The following HPSE2 variants were observed in gnomAD, a reference collection of about 807,000 sequenced individuals.
HPSE2 encodes inactive heparanase-2.
HPSE2 carries 38 observed loss-of-function variants against 60.5 expected under a neutral mutation model. The ratio of observed to expected loss-of-function variants is 0.63; its 90% CI spans 0.48 to 0.82. HPSE2 has a LOEUF of 0.82. Ranked by LOEUF, HPSE2 falls within the 40% of genes least tolerant of loss-of-function variation. HPSE2 has a pLI of 0.00. For synonymous variants in HPSE2, 295 were observed against 293.2 expected (o/e 1.01, Z -0.06); for missense variants, 713 against 740.4 (o/e 0.96, Z 0.43).
At chr10:98,512,533 C>T (rs1369031828) in intron 9 of HPSE2, among the ~76,000 whole-genome samples, 3 of 150,034 alleles carry the variant, frequency 2.0e-5, no homozygotes, top group Non-Finnish European at 4.4e-5. Context: ...TGCAGTGAGC[C>T]AAGATCGCAC....
At chr10:98,479,007 C>A (rs1301641535) in intron 11 of HPSE2, among the ~76,000 whole-genome samples, 1 of 152,130 alleles carries the variant, frequency 6.6e-6, no homozygotes, top group Admixed American at 6.6e-5. Context: ...TAAATAGTGA[C>A]CCCAAGGGTG....
chr10:98,951,698 C>T (rs1311457584), intron 3 of HPSE2, among the ~76,000 whole-genome samples: 3 of 152,084 alleles, frequency 2.0e-5, no homozygotes, highest in Non-Finnish European at 4.4e-5. Flanking sequence ...CATAGGAATC[C>T]TGCATGCCAT....
intron 2 of HPSE2, among the ~76,000 whole-genome samples, chr10:99,229,716 G>A (rs1849585055): frequency 1.3e-5 from 2 of 152,144 alleles, no homozygotes; most frequent in Admixed American, 1.3e-4. Context: ...TTCATAATGT[G>A]CCAGTAGGTA....
chr10:98,867,457 T>C (rs113645917), intron 3 of HPSE2, among the ~76,000 whole-genome samples: 53 of 152,140 alleles, frequency 3.5e-4, no homozygotes, highest in African/African-American at 1.2e-3. Flanking sequence ...TATCATCTCA[T>C]TCCAGTCAAA....
In HPSE2 at chr10:98,668,816, G is replaced by A. The variant is rs1170920943; in HGVS notation, c.1004+25084C>T. Among the ~76,000 whole-genome samples the A allele has an allele frequency of 2.0e-5, 3 of 152,098 alleles. No homozygotes were observed. In the South Asian group the frequency reaches 6.2e-4, roughly 31 times the overall value. ...TATAAAAGTCCTAAAGAAAATGTAG[G>A]AAATACCCTTCTCCATATGGTTTTG... is the stretch of plus-strand genomic sequence containing the variant. On this transcript the variant is annotated intron_variant, in intron 6 of 11. Coordinates refer to ENST00000370552, the MANE Select transcript of HPSE2 (RefSeq NM_021828.5).
At chr10:98,729,469 C>T (rs184955135) in intron 4 of HPSE2, among the ~76,000 whole-genome samples, 7 of 151,860 alleles carry the variant, frequency 4.6e-5, no homozygotes, top group Non-Finnish European at 8.8e-5. Context: ...ATTAGCCGGG[C>T]GTGGTGGCGG....
the HPSE2 span, among the ~76,000 whole-genome samples, chr10:99,275,128 C>T: frequency 1.5e-4 from 23 of 152,134 alleles, no homozygotes; most frequent in Admixed American, 2.0e-4. Context: ...ACAGTTCCCC[C>T]CAAATCCAGT....
intron 3 of HPSE2, among the ~76,000 whole-genome samples, chr10:98,861,013 T>G (rs1952446574): frequency 6.6e-6 from 1 of 152,210 alleles, no homozygotes; most frequent in African/African-American, 2.4e-5. Context: ...ATGCATCTAC[T>G]GCAAATAACT....
chr10:98,766,993 T>C (rs548357419), intron 3 of HPSE2, among the ~76,000 whole-genome samples: 9 of 152,280 alleles, frequency 5.9e-5, no homozygotes, highest in Non-Finnish European at 1.3e-4. Context: ...ATTAACAGAC[T>C]ACATAAGAAA....
At chr10:98,554,530 G>A (rs1054740330) in intron 9 of HPSE2, among the ~76,000 whole-genome samples, 3 of 151,926 alleles carry the variant, frequency 2.0e-5, no homozygotes, top group African/African-American at 7.3e-5. Context: ...CTTTGTGGTC[G>A]GAGACTCCAT....
intron 3 of HPSE2, among the ~76,000 whole-genome samples, chr10:98,800,819 C>T (rs1950888355): frequency 6.6e-6 from 1 of 152,154 alleles, no homozygotes; most frequent in East Asian, 1.9e-4. Flanking sequence ...AATACCAATC[C>T]TACTCAAACT....
At chr10:99,154,396 T>C (rs10786512) in intron 2 of HPSE2, among the ~76,000 whole-genome samples, 27,052 of 43,518 alleles carry the variant, frequency 0.62, 9,397 homozygotes, top group South Asian at 0.92. Context: ...AGACTAACAG[T>C]GGATCTCTCG....
intron 6 of HPSE2, among the ~76,000 whole-genome samples, chr10:98,676,818 T>C (rs1947655478): frequency 6.6e-6 from 1 of 152,196 alleles, no homozygotes; most frequent in Non-Finnish European, 1.5e-5. Context: ...TTGGATTTTA[T>C]TGTGCGTGCA....
At chr10:98,644,673 T>C (rs1012689888) in intron 6 of HPSE2, among the ~76,000 whole-genome samples, 1 of 152,232 alleles carries the variant, frequency 6.6e-6, no homozygotes, top group Non-Finnish European at 1.5e-5. Flanking sequence ...ACAGCTCTAA[T>C]TGACGAAAAG....
At chr10:98,511,130 G>GTTTTTTTTTTTT (rs11393115) in intron 9 of HPSE2, among the ~76,000 whole-genome samples, 1 of 139,032 alleles carries the variant, frequency 7.2e-6, no homozygotes. Context: ...ATGTGTTGCT[G>GTTTTTTTTTTTT]TTTTTTTTTT....
At chr10:98,844,714 T>C (rs1315185996) in intron 3 of HPSE2, among the ~76,000 whole-genome samples, 1 of 152,212 alleles carries the variant, frequency 6.6e-6, no homozygotes, top group Admixed American at 6.5e-5. Flanking sequence ...ACATATTAAA[T>C]ATAAACTATG....
chr10:98,701,684 C>T (rs968575841), intron 5 of HPSE2, among the ~76,000 whole-genome samples: 4 of 151,600 alleles, frequency 2.6e-5, no homozygotes, highest in Non-Finnish European at 5.9e-5. Context: ...GTTTTAAACC[C>T]AGAATTTCAA....
intron 3 of HPSE2, among the ~76,000 whole-genome samples, chr10:98,828,798 T>C (rs1477471015): frequency 6.6e-6 from 1 of 152,164 alleles, no homozygotes; most frequent in Non-Finnish European, 1.5e-5. Flanking sequence ...TGTATAGTAG[T>C]CCTTCAAAAA....
intron 3 of HPSE2, among the ~76,000 whole-genome samples, chr10:98,962,999 T>C (rs1338312671): frequency 6.6e-6 from 1 of 152,204 alleles, no homozygotes; most frequent in Non-Finnish European, 1.5e-5. Context: ...GCACATTCTC[T>C]GTGAATGTTT....
Sources: allele counts gnomAD v4.1 joint callset (sites outside exome capture counted in the v4.1 genomes callset), GRCh38; gene constraint gnomAD v4.1.1; transcripts MANE v1.5; gene names NCBI Gene and HGNC (gene_info 2026-07-23, HGNC 2026-07-21).